The following CIDEA variants were observed in gnomAD, a reference collection of about 807,000 sequenced individuals.
CIDEA encodes the protein lipid transferase CIDEA.
Under a neutral mutation model 18.2 loss-of-function variants are expected in CIDEA, and 10 were observed. That is an observed-to-expected ratio of 0.55 (90% CI 0.34 to 0.93). The LOEUF (loss-of-function observed/expected upper bound fraction) is 0.93. Ranked by LOEUF, CIDEA falls within the 40% of genes least tolerant of loss-of-function variation. The pLI is 0.02. For missense variants in CIDEA, 309 were observed against 293.1 expected (o/e 1.05, Z -0.40); for synonymous variants, 128 against 124.8 (o/e 1.03, Z -0.17).
intron 1 of CIDEA, among the ~76,000 whole-genome samples, chr18:12,260,939 A>G (rs1220302568): frequency 1.3e-5 from 2 of 152,164 alleles, no homozygotes; most frequent in African/African-American, 4.8e-5. Context: ...GGGTGAGGGA[A>G]GTGTCCAGTC....
At chr18:12,255,068 C>A (rs1195323449) in intron 1 of CIDEA, 1 of 536,598 alleles carries the variant, frequency 1.9e-6, no homozygotes, top group South Asian at 2.2e-5. Flanking sequence ...GTCTTCCCTG[C>A]GCTTCGCACC....
chr18:12,262,731 A>G (rs562722713), intron 1 of CIDEA, 94 bp from the exon 2 acceptor site: 1 of 1,181,688 alleles, frequency 8.5e-7, no homozygotes, highest in East Asian at 2.4e-5. Flanking sequence ...TTTCTTTTAG[A>G]TGCAAATATT....
At chr18:12,264,568 T>C (rs1598777178) in intron 3 of CIDEA, 115 bp downstream of exon 3, 1 of 836,948 alleles carries the variant, frequency 1.2e-6, no homozygotes, top group African/African-American at 1.8e-5. Flanking sequence ...TTTTTTCTTT[T>C]TTTGAGACGG....
At chr18:12,263,101 G>C in intron 2 of CIDEA, 132 bp downstream of exon 2, 1 of 900,334 alleles carries the variant, frequency 1.1e-6, no homozygotes, top group East Asian at 2.8e-5. Context: ...GGGGGGAAAC[G>C]GGGAGAGAAA....
intron 3 of CIDEA, among the ~76,000 whole-genome samples, chr18:12,265,672 G>A (rs950159277): frequency 4.6e-5 from 7 of 152,158 alleles, no homozygotes; most frequent in African/African-American, 1.2e-4. Context: ...CTCCAGCCCC[G>A]TTTCCAGGAT....
chr18:12,255,012 G>C, intron 1 of CIDEA: 1 of 1,089,530 alleles, frequency 9.2e-7, no homozygotes, highest in Admixed American at 3.7e-5. Flanking sequence ...GGGCGGAGAC[G>C]CTGCCTGGGG....
At chr18:12,270,688 C>CAAAAAAAAAAAAAAAAAAAAAAAAAA in intron 3 of CIDEA, among the ~76,000 whole-genome samples, 1 of 72,828 alleles carries the variant, frequency 1.4e-5, no homozygotes, top group Admixed American at 1.8e-4. Context: ...CTCCGTCTCA[C>CAAAAAAAAAAAAAAAAAAAAAAAAAA]AAAAAAAAAA....
At chr18:12,254,867 G>A (rs752279659) in intron 1 of CIDEA, 2 of 1,326,362 alleles carry the variant, frequency 1.5e-6, no homozygotes, top group African/African-American at 1.5e-5. Flanking sequence ...ACGGGAGCTG[G>A]GCGCGGGAGG....
chr18:12,262,730 G>A (rs763181324), intron 1 of CIDEA, 95 bp from the exon 2 acceptor site: 45 of 1,173,080 alleles, frequency 3.8e-5, no homozygotes, highest in Non-Finnish European at 5.4e-5. Flanking sequence ...CTTTCTTTTA[G>A]ATGCAAATAT....
chr18:12,264,824 A>T (rs947755318), intron 3 of CIDEA, among the ~76,000 whole-genome samples: 2 of 152,206 alleles, frequency 1.3e-5, no homozygotes, highest in African/African-American at 4.8e-5. Context: ...AAGTGCTGGG[A>T]TTACAGGCGT....
chr18:12,272,152 G>GGT (rs1355235688), intron 3 of CIDEA, among the ~76,000 whole-genome samples: 1 of 27,322 alleles, frequency 3.7e-5, no homozygotes, highest in East Asian at 9.5e-4. Flanking sequence ...GTGTGTGTGG[G>GGT]GGGGGGGGGT....
At chr18:12,265,017 T>G (rs1258899814) in intron 3 of CIDEA, among the ~76,000 whole-genome samples, 1 of 152,164 alleles carries the variant, frequency 6.6e-6, no homozygotes, top group Non-Finnish European at 1.5e-5. Context: ...GGCCAGTGAG[T>G]AGCTACAGAT....
chr18:12,263,092 G>T (rs966240420), intron 2 of CIDEA, 123 bp downstream of exon 2: 14 of 935,944 alleles, frequency 1.5e-5, no homozygotes, highest in Admixed American at 3.1e-5. Context: ...CATCTCACTG[G>T]GGGGAAACGG....
At chr18:12,276,900 G>T (rs1171623831) in intron 4 of CIDEA, among the ~76,000 whole-genome samples, 1 of 152,198 alleles carries the variant, frequency 6.6e-6, no homozygotes, top group Non-Finnish European at 1.5e-5. Context: ...GGTCCTCAGG[G>T]AGCTCACAGA....
At position 12,257,289 on chromosome 18, in the gene CIDEA, G is replaced by A. The variant is rs1392113752; in HGVS notation, c.38+2868G>A. On this transcript the variant is annotated intron_variant, in intron 1 of 4. Coordinates refer to ENST00000320477, the MANE Select transcript of CIDEA (RefSeq NM_001279.4). ...TTTTTCTTCCTAATGATGAGATGCA[G>A]AGTTCCCTCAGCCATCACTGCCCCC... is the stretch of plus-strand genomic sequence containing the variant. Among the ~76,000 whole-genome samples, 3 of 152,140 alleles carry A rather than the reference G, an allele frequency of 2.0e-5. No homozygotes were observed. In the East Asian group the frequency reaches 5.8e-4, roughly 29 times the overall value.
At chr18:12,273,577 G>A (rs2144086949) in intron 3 of CIDEA, among the ~76,000 whole-genome samples, 1 of 152,296 alleles carries the variant, frequency 6.6e-6, no homozygotes, top group South Asian at 2.1e-4. Context: ...AACCCTGGGG[G>A]GTTATTAAAA....
At chr18:12,269,069 C>T (rs1190486577) in intron 3 of CIDEA, among the ~76,000 whole-genome samples, 6 of 152,288 alleles carry the variant, frequency 3.9e-5, no homozygotes, top group Non-Finnish European at 1.5e-5. Context: ...CTGCCTGCCT[C>T]AGCTTCCCAA....
At chr18:12,271,700 C>T (rs1216112919) in intron 3 of CIDEA, among the ~76,000 whole-genome samples, 2 of 152,128 alleles carry the variant, frequency 1.3e-5, no homozygotes, top group African/African-American at 4.8e-5. Flanking sequence ...CGGCCACGCG[C>T]TCCAGGGGGC....
At chr18:12,258,325 G>A (rs914219795) in intron 1 of CIDEA, among the ~76,000 whole-genome samples, 19 of 152,362 alleles carry the variant, frequency 1.2e-4, no homozygotes, top group Non-Finnish European at 2.6e-4. Context: ...AGGTGCTTAC[G>A]AAGGCGTGAG....
Sources: gnomAD v4.1 joint callset for allele counts (sites outside exome capture counted in the v4.1 genomes callset) on GRCh38, gnomAD v4.1.1 for gene constraint, MANE v1.5 for transcripts, NCBI Gene and HGNC (gene_info 2026-07-23, HGNC 2026-07-21) for gene names.